The following SOX30 variants were observed in gnomAD, a reference collection of about 807,000 sequenced individuals.
SOX30 encodes SRY-box transcription factor 30.
SOX30 carries 17 observed loss-of-function variants against 58.6 expected under a neutral mutation model. The observed-to-expected ratio is 0.29, with a 90% confidence interval of 0.20 to 0.44. The LOEUF (loss-of-function observed/expected upper bound fraction) is 0.44, where lower values mean the gene tolerates loss of function less well. SOX30 is among the 20% of genes least tolerant of loss of function. The pLI, the probability that SOX30 is intolerant of heterozygous loss-of-function variation, is 1.00. For synonymous variants in SOX30, 421 were observed against 400.2 expected, an observed-to-expected ratio of 1.05 and a Z score of -0.62; for missense variants, 951 against 965.8, an observed-to-expected ratio of 0.98 and a Z score of 0.20.
At position 157,651,345 on chromosome 5, in the gene SOX30, G is replaced by A; in HGVS notation, c.734C>T (p.Ala245Val). ...LVHGSAEVIL[A>V]PTSGAFGPHQ... is the part of the protein sequence containing the mutation. ...CGGCCCAAAGGCACCGGACGTTGGG[G>A]CCAAGATGACCTCCGCGCTGCCATG... Residue 245 changes from alanine to valine, a missense_variant, in exon 1 of 5, where the codon GCC becomes GTC. By Grantham distance (64) the Ala-to-Val change is moderately conservative. This residue lies in a region of SOX30 where 84 missense variants were observed against 68.2 expected (regional missense o/e 1.23). Transcript: ENST00000265007. The A allele has an allele frequency of 6.2e-7, 1 of 1,613,860 alleles. No homozygotes were observed. The highest frequency in any genetic ancestry group is 1.7e-4 in the Middle Eastern group (1 of 5,856).
chr5:157,668,427 C>T (rs1469333747), intron 1 of SOX30, among the ~76,000 whole-genome samples: 1 of 152,138 alleles, frequency 6.6e-6, no homozygotes, highest in Admixed American at 6.5e-5. Flanking sequence ...AGGTAGGTAG[C>T]TGCTGAAGTT....
chr5:157,648,517 TATA>T (rs1759250177), intron 2 of SOX30, 137 bp downstream of exon 2: 5 of 747,348 alleles, frequency 6.7e-6, no homozygotes, highest in South Asian at 2.0e-5. Context: ...CAATCATTGT[TATA>T]ATATTAGTCA....
At chr5:157,653,103 C>T (rs1397667141), upstream of SOX30, among the ~76,000 whole-genome samples, 1 of 152,144 alleles carries the variant, frequency 6.6e-6, no homozygotes, top group East Asian at 1.9e-4. Flanking sequence ...GCCACATTGG[C>T]CCCATCATCA....
intron 2 of SOX30, among the ~76,000 whole-genome samples, chr5:157,660,911 A>G (rs1759565905): frequency 6.6e-6 from 1 of 152,198 alleles, no homozygotes; most frequent in South Asian, 2.1e-4. Context: ...TGACACCTTG[A>G]TGATACTGTA....
At chr5:157,626,787 CAG>C in intron 4 of SOX30, 66 bp from the exon 5 acceptor site, 1 of 1,504,362 alleles carries the variant, frequency 6.6e-7, no homozygotes, top group East Asian at 2.3e-5. Flanking sequence ...TACAGACTAA[CAG>C]AGCAAGTTAA....
intron 3 of SOX30, 88 bp from the exon 4 acceptor site, chr5:157,638,810 G>T: frequency 7.5e-7 from 1 of 1,331,096 alleles, no homozygotes; most frequent in Non-Finnish European, 1.0e-6. Context: ...AATTGTATAA[G>T]CAGAGGCCTT....
intron 3 of SOX30, among the ~76,000 whole-genome samples, chr5:157,639,803 T>C (rs1220621591): frequency 1.3e-5 from 2 of 152,250 alleles, no homozygotes; most frequent in Non-Finnish European, 2.9e-5. Context: ...CGGTTGGACA[T>C]GTCTCTGTCA....
chr5:157,666,831 A>T (rs1298081500), intron 2 of SOX30, among the ~76,000 whole-genome samples: 1 of 152,016 alleles, frequency 6.6e-6, no homozygotes, highest in East Asian at 1.9e-4. Flanking sequence ...TCAGCCTCCT[A>T]AATAGTTGGG....
chr5:157,635,842 A>G (rs908012324), intron 4 of SOX30, among the ~76,000 whole-genome samples: 1 of 152,112 alleles, frequency 6.6e-6, no homozygotes, highest in African/African-American at 2.4e-5. Flanking sequence ...TTCAAAATAT[A>G]TTTTTTCCAT....
At chr5:157,635,829 T>C (rs1253668000) in intron 4 of SOX30, among the ~76,000 whole-genome samples, 2 of 152,210 alleles carry the variant, frequency 1.3e-5, no homozygotes, top group African/African-American at 4.8e-5. Context: ...TGTGAGGTTT[T>C]TATTCAAAAT....
intron 1 of SOX30, among the ~76,000 whole-genome samples, chr5:157,650,269 A>G (rs966683967): frequency 3.0e-4 from 46 of 152,244 alleles, no homozygotes; most frequent in African/African-American, 1.1e-3. Context: ...AAATCTAAAA[A>G]CTACTAAAGA....
chr5:157,658,608 T>C (rs1484072864), intron 2 of SOX30, among the ~76,000 whole-genome samples: 1 of 152,202 alleles, frequency 6.6e-6, no homozygotes. Context: ...CTCTCTACCC[T>C]GAATACAAGA....
chr5:157,654,986 A>G (rs1292498074), upstream of SOX30, among the ~76,000 whole-genome samples: 2 of 152,218 alleles, frequency 1.3e-5, no homozygotes, highest in Non-Finnish European at 2.9e-5. Flanking sequence ...TACTTTCTTA[A>G]TAAACTCGCT....
In SOX30 at chr5:157,667,846, C is replaced by T; in HGVS notation, c.4G>A (p.Glu2Lys). ...TGTTCCTTCCCTCTACAACATTTCT[C>T]CATGACCTGGAACAAAAAGAAGGGA... The change falls in exon 2 of 6, where the codon GAG (glutamate) becomes AAG (lysine). Residue 2 changes from glutamate to lysine, a missense_variant. Physicochemically the swap from Glu to Lys is moderately conservative, Grantham distance 56 (BLOSUM62 1). Coordinates refer to the SOX30 transcript ENST00000519442. The T allele has an allele frequency of 2.6e-6, 4 of 1,535,588 alleles. No individual in the cohort carries two copies. The South Asian group carries it at 3.6e-5, about 14-fold the overall frequency.
At chr5:157,656,584 A>G (rs920894986), upstream of SOX30, among the ~76,000 whole-genome samples, 1 of 152,222 alleles carries the variant, frequency 6.6e-6, no homozygotes, top group African/African-American at 2.4e-5. Flanking sequence ...CTAGTACATA[A>G]TTAAAATGCT....
Position 157,652,102 on chromosome 5 carries a change from G to A in SOX30, c.-24C>T. ...ATGGGGGAGGGGGACGCCCCGGCCAGGATTGTGAGCTCAGCCGTTTGTTGG... is the reference window on the plus strand; with the variant it reads ...ATGGGGGAGGGGGACGCCCCGGCCAAGATTGTGAGCTCAGCCGTTTGTTGG... On this transcript the variant is annotated 5_prime_UTR_variant, in exon 1 of 5. Coordinates refer to ENST00000265007, the MANE Select transcript of SOX30 (RefSeq NM_178424.2). 6 of 1,394,148 alleles carry A rather than the reference G, an allele frequency of 4.3e-6. No homozygotes were observed. The highest frequency in any genetic ancestry group is 2.5e-4 in the Middle Eastern group (1 of 3,994). 86.4% of individuals were successfully genotyped at this position (1,394,148 alleles called of 1,614,324 possible).
intron 4 of SOX30, among the ~76,000 whole-genome samples, chr5:157,628,298 A>AACATAAACATAATG (rs1758708861): frequency 6.6e-6 from 1 of 152,030 alleles, no homozygotes; most frequent in African/African-American, 2.4e-5. Context: ...AGTGACAGAT[A>AACATAAACATAATG]ACATAAACAT....
At chr5:157,646,462 T>G (rs1032991795) in intron 3 of SOX30, among the ~76,000 whole-genome samples, 175 bp downstream of exon 3, 2 of 152,248 alleles carry the variant, frequency 1.3e-5, no homozygotes, top group Non-Finnish European at 2.9e-5. Context: ...CCAAGTGTTT[T>G]GATCTCTACT....
intron 2 of SOX30, chr5:157,667,689 A>C (rs1561592102): frequency 6.9e-7 from 1 of 1,440,662 alleles, no homozygotes; most frequent in Non-Finnish European, 9.2e-7. Flanking sequence ...CAGTGACCTG[A>C]TATCATGCCA....
Sources: gnomAD v4.1 joint callset for allele counts (sites outside exome capture counted in the v4.1 genomes callset) on GRCh38, gnomAD v4.1.1 for gene constraint, gnomAD v4.1.1 regional missense constraint, MANE v1.5 for transcripts, NCBI Gene and HGNC (gene_info 2026-07-23, HGNC 2026-07-21) for gene names.